The following NFIA variants were observed in gnomAD, a reference collection of about 807,000 sequenced individuals.
NFIA encodes nuclear factor 1 A-type.
NFIA carries 8 observed loss-of-function variants against 62.8 expected under a neutral mutation model. That is an observed-to-expected ratio of 0.13 (90% CI 0.07 to 0.23). The LOEUF is 0.23. NFIA is among the 10% of genes least tolerant of loss of function. The pLI is 1.00. For synonymous variants in NFIA, 235 were observed against 238.1 expected, an observed-to-expected ratio of 0.99 and a Z score of 0.12; for missense variants, 410 against 642.1, an observed-to-expected ratio of 0.64 and a Z score of 3.91.
chr1:61,230,966 C>T (rs1654637676), intron 2 of NFIA, among the ~76,000 whole-genome samples: 1 of 152,238 alleles, frequency 6.6e-6, no homozygotes, highest in Admixed American at 6.5e-5. Flanking sequence ...ATTCCACACA[C>T]TTTCTTGCAG....
chr1:61,453,528 G>C (rs117450656), intron 10 of NFIA, among the ~76,000 whole-genome samples: 1 of 136,540 alleles, frequency 7.3e-6, no homozygotes, highest in Non-Finnish European at 1.5e-5. Context: ...CTGAGGTCTC[G>C]TCCAGAAACT....
intron 2 of NFIA, among the ~76,000 whole-genome samples, chr1:61,192,714 A>G (rs552915462): frequency 7.2e-4 from 107 of 148,518 alleles, no homozygotes; most frequent in African/African-American, 2.5e-3. Flanking sequence ...AAAAAAAAAA[A>G]GAAAAAAAAA....
At chr1:61,176,687 A>G (rs900348642) in intron 2 of NFIA, among the ~76,000 whole-genome samples, 7 of 152,192 alleles carry the variant, frequency 4.6e-5, no homozygotes, top group African/African-American at 1.7e-4. Flanking sequence ...TTACTACTTG[A>G]AGAACTACTA....
rs911403261 is a variant in NFIA at position 61,173,386 on chromosome 1, CTCTTT to C, written c.559+84723_559+84727del. Among the ~76,000 whole-genome samples the C allele has an allele frequency of 7.5e-4, 114 of 152,134 alleles. 1 individual carries two copies. The highest frequency in any genetic ancestry group is 2.4e-3 in the African/African-American group (99 of 41,524). Reference sequence around the variant, plus strand: ...CTCCTTGCTTGAGATTTATTTTCTTCTCTTTTCTTTTCTTTTCTTTTTTGACAGTC... The same window carrying C: ...CTCCTTGCTTGAGATTTATTTTCTTCTCTTTTCTTTTCTTTTTTGACAGTC... On this transcript the variant is annotated intron_variant, in intron 2 of 10. Coordinates refer to ENST00000403491, the MANE Select transcript of NFIA (RefSeq NM_001134673.4).
intron 10 of NFIA, among the ~76,000 whole-genome samples, chr1:61,437,740 C>T (rs1272744030): frequency 6.6e-6 from 1 of 152,136 alleles, no homozygotes; most frequent in African/African-American, 2.4e-5. Context: ...GGAGAAGACA[C>T]ATGAGTGGTT....
In NFIA at chr1:61,319,790, A is replaced by AACACACACACACACACACACACAC. The variant is rs58845526; in HGVS notation, c.626-12699_626-12676dup. Among the ~76,000 whole-genome samples the AACACACACACACACACACACACAC allele has an allele frequency of 1.2e-3, 173 of 139,592 alleles. 5 individuals carry two copies. Among genetic ancestry groups the AACACACACACACACACACACACAC allele is most frequent in the African/African-American group, 4.4e-3 (155 of 35,560 alleles). 91.6% of individuals were successfully genotyped at this position (139,592 alleles called of 152,430 possible). On this transcript the variant is annotated intron_variant, in intron 3 of 10. Coordinates refer to ENST00000403491, the MANE Select transcript of NFIA (RefSeq NM_001134673.4). ...CAATGATTTCTTCCTGGAAGAATTA[A>AACACACACACACACACACACACAC]ACACACACACACACACACACACACA... is the stretch of plus-strand genomic sequence containing the variant.
intron 3 of NFIA, among the ~76,000 whole-genome samples, chr1:61,317,468 A>G (rs1310872216): frequency 6.6e-6 from 1 of 152,072 alleles, no homozygotes; most frequent in Non-Finnish European, 1.5e-5. Flanking sequence ...ACACACAAAT[A>G]TATATACTAA....
intron 3 of NFIA, among the ~76,000 whole-genome samples, chr1:61,300,509 G>A (rs948776925): frequency 8.6e-5 from 13 of 151,830 alleles, no homozygotes; most frequent in Non-Finnish European, 1.8e-4. Flanking sequence ...TATATTCTTC[G>A]ATAGCCCACA....
chr1:61,325,486 G>A (rs1660882909), intron 3 of NFIA, among the ~76,000 whole-genome samples: 1 of 152,136 alleles, frequency 6.6e-6, no homozygotes, highest in Non-Finnish European at 1.5e-5. Context: ...CAAGCAATTG[G>A]TAAAGGAACA....
chr1:61,151,827 T>C (rs1034555360), intron 2 of NFIA, among the ~76,000 whole-genome samples: 4 of 152,178 alleles, frequency 2.6e-5, no homozygotes, highest in South Asian at 2.1e-4. Context: ...GGGCCACTTA[T>C]GTTATACTGA....
chr1:61,428,508 G>A (rs1289333876), intron 10 of NFIA, among the ~76,000 whole-genome samples: 1 of 151,082 alleles, frequency 6.6e-6, no homozygotes, highest in Non-Finnish European at 1.5e-5. Context: ...ATTGTCTAAT[G>A]AGAAACTATG....
At chr1:61,101,418 G>C (rs1646506941) in intron 2 of NFIA, among the ~76,000 whole-genome samples, 1 of 149,384 alleles carries the variant, frequency 6.7e-6, no homozygotes. Flanking sequence ...AAAAAAAGTA[G>C]TTCGCCACCA....
chr1:61,383,106 CA>C, intron 6 of NFIA, 130 bp from the exon 7 acceptor site: 4 of 1,171,614 alleles, frequency 3.4e-6, no homozygotes, highest in Middle Eastern at 2.1e-4. Flanking sequence ...AAGCAATTCA[CA>C]ACATCTTTTT....
At chr1:61,209,500 T>C (rs1008582552) in intron 2 of NFIA, among the ~76,000 whole-genome samples, 5 of 152,164 alleles carry the variant, frequency 3.3e-5, no homozygotes, top group African/African-American at 1.2e-4. Flanking sequence ...AACATCTTTA[T>C]TTTTAAAGTT....
At chr1:61,420,065 G>A (rs57226815) in intron 9 of NFIA, among the ~76,000 whole-genome samples, 5,858 of 152,186 alleles carry the variant, frequency 0.038, 356 homozygotes, top group African/African-American at 0.13. Context: ...CCATCATGTG[G>A]GGGTTTCTAA....
intron 2 of NFIA, among the ~76,000 whole-genome samples, chr1:61,185,077 T>G (rs1394050551): frequency 6.6e-6 from 1 of 152,218 alleles, no homozygotes; most frequent in South Asian, 2.1e-4. Context: ...ATTCCAAATA[T>G]GAAAATTTGG....
At chr1:61,427,887 A>G (rs1207671096) in intron 10 of NFIA, among the ~76,000 whole-genome samples, 3 of 152,218 alleles carry the variant, frequency 2.0e-5, no homozygotes, top group Non-Finnish European at 2.9e-5. Context: ...TTATTCTCCC[A>G]TACCTTCAAA....
chr1:61,230,782 T>C (rs1295849542), intron 2 of NFIA, among the ~76,000 whole-genome samples: 2 of 152,244 alleles, frequency 1.3e-5, no homozygotes, highest in African/African-American at 4.8e-5. Context: ...TTGCCATGCT[T>C]ACAGTTTACC....
chr1:61,314,443 T>C (rs535466102), intron 3 of NFIA, among the ~76,000 whole-genome samples: 1 of 152,316 alleles, frequency 6.6e-6, no homozygotes, highest in Non-Finnish European at 1.5e-5. Flanking sequence ...AAGCTAGTAA[T>C]TGAGTGAAAC....
Sources: gnomAD v4.1 joint callset for allele counts (sites outside exome capture counted in the v4.1 genomes callset) on GRCh38, gnomAD v4.1.1 for gene constraint, MANE v1.5 for transcripts, NCBI Gene and HGNC (gene_info 2026-07-23, HGNC 2026-07-21) for gene names.